The following FLT1 variants were observed in gnomAD, a reference collection of about 807,000 sequenced individuals.
FLT1 encodes fms related receptor tyrosine kinase 1, also known as vascular endothelial growth factor receptor 1.
A neutral mutation model predicts 156.3 loss-of-function variants in FLT1; 49 were observed. That is an observed-to-expected ratio of 0.31 (90% CI 0.25 to 0.40). The LOEUF is 0.40. Among genes scored for constraint, FLT1 ranks in the 10% least tolerant of loss-of-function variants. The pLI is 1.00. For missense variants in FLT1, 1,322 were observed against 1,637.2 expected (o/e 0.81, Z 3.32); for synonymous variants, 594 against 583.8 (o/e 1.02, Z -0.25).
At chr13:28,320,860 T>A (rs573365288) in intron 23 of FLT1, among the ~76,000 whole-genome samples, 2 of 152,136 alleles carry the variant, frequency 1.3e-5, no homozygotes, top group East Asian at 3.9e-4. Flanking sequence ...CCTCAGGGTA[T>A]ATAGGCTGAG....
At chr13:28,434,348 A>G (rs1318126901) in intron 4 of FLT1, 128 bp from the exon 5 acceptor site, 1 of 875,046 alleles carries the variant, frequency 1.1e-6, no homozygotes, top group Non-Finnish European at 1.8e-6. Context: ...TAGTTTGCTT[A>G]TAACAAACTA....
chr13:28,364,956 C>T (rs897005879), intron 14 of FLT1, among the ~76,000 whole-genome samples: 9 of 151,964 alleles, frequency 5.9e-5, no homozygotes, highest in Admixed American at 5.9e-4. Flanking sequence ...TCAGATTTTG[C>T]TTGTCAAATT....
chr13:28,330,047 T>G (rs1871862685), intron 18 of FLT1, among the ~76,000 whole-genome samples: 1 of 152,254 alleles, frequency 6.6e-6, no homozygotes, highest in Non-Finnish European at 1.5e-5. Context: ...AAGGCTTCCC[T>G]TCTGTCAGAA....
At chr13:28,357,930 T>C (rs1593706053) in intron 14 of FLT1, among the ~76,000 whole-genome samples, 1 of 140,742 alleles carries the variant, frequency 7.1e-6, no homozygotes, top group Non-Finnish European at 1.5e-5. Flanking sequence ...CCAGCAGAGC[T>C]GTGATCCCCA....
chr13:28,461,908 A>G (rs1879598586), intron 3 of FLT1, among the ~76,000 whole-genome samples: 1 of 152,218 alleles, frequency 6.6e-6, no homozygotes, highest in African/African-American at 2.4e-5. Context: ...AATTTCTTAT[A>G]AAAATGCTCC....
intron 14 of FLT1, among the ~76,000 whole-genome samples, chr13:28,363,481 C>T (rs1013093187): frequency 5.9e-5 from 9 of 152,014 alleles, no homozygotes; most frequent in Non-Finnish European, 1.3e-4. Context: ...TGTTTTTGTA[C>T]TTTTTCTACA....
intron 15 of FLT1, among the ~76,000 whole-genome samples, chr13:28,350,685 A>T (rs1158484157): frequency 6.6e-6 from 1 of 151,982 alleles, no homozygotes. Flanking sequence ...CAAGCAAAAG[A>T]CCAGAGCACC....
chr13:28,317,476 G>A (rs755763767), intron 25 of FLT1, 22 bp downstream of exon 25: 13 of 1,480,428 alleles, frequency 8.8e-6, no homozygotes, highest in South Asian at 2.3e-5. Context: ...CAGATGGGGA[G>A]CAGAGGGCAC....
intron 20 of FLT1, among the ~76,000 whole-genome samples, chr13:28,324,699 G>A (rs1373449874): frequency 6.6e-6 from 1 of 152,206 alleles, no homozygotes; most frequent in Non-Finnish European, 1.5e-5. Context: ...ATCAGAGAAA[G>A]CGCTGGCAAT....
intron 14 of FLT1, among the ~76,000 whole-genome samples, chr13:28,377,091 C>T (rs950544403): frequency 6.6e-5 from 10 of 152,186 alleles, no homozygotes; most frequent in African/African-American, 2.4e-4. Flanking sequence ...GCATTTTCCT[C>T]TCTTATCTCT....
intron 15 of FLT1, among the ~76,000 whole-genome samples, chr13:28,352,975 C>T (rs1264261730): frequency 1.3e-5 from 2 of 152,124 alleles, no homozygotes; most frequent in East Asian, 3.8e-4. Context: ...ATATTGTTTT[C>T]AGTTTTTTCT....
chr13:28,377,670 T>G (rs61763193), intron 14 of FLT1, among the ~76,000 whole-genome samples: 11,282 of 152,300 alleles, frequency 0.074, 454 homozygotes, highest in South Asian at 0.13. Context: ...TATAAATATT[T>G]GTTAAATAAG....
chr13:28,461,588 T>C (rs1198303540), intron 3 of FLT1, among the ~76,000 whole-genome samples: 1 of 152,160 alleles, frequency 6.6e-6, no homozygotes, highest in African/African-American at 2.4e-5. Context: ...CACTCCAGCC[T>C]GGGCGACAAA....
At position 28,321,302 on chromosome 13, in the gene FLT1, C is replaced by T. The variant is rs376029893; in HGVS notation, c.3174+161G>A. Among the ~76,000 whole-genome samples the T allele has an allele frequency of 2.0e-4, 30 of 152,304 alleles. No individual in the cohort carries two copies. The East Asian group carries it at 2.7e-3, about 14-fold the overall frequency. On this transcript the variant is annotated intron_variant, in intron 23 of 29. Transcript: ENST00000282397. ...GACAGTGGCCTTTCTGAGCCTTACA[C>T]AAGGGCTCTCTGGGATGCCGCTCAT...
At position 28,322,080 on chromosome 13, in the gene FLT1, C is replaced by T. The variant is rs1166075680; in HGVS notation, c.3051+182G>A. Among the ~76,000 whole-genome samples the T allele has an allele frequency of 2.0e-5, 3 of 152,204 alleles. No homozygotes were observed. The highest frequency in any genetic ancestry group is 4.4e-5 in the Non-Finnish European group (3 of 68,038). The stretch of plus-strand genomic sequence containing the variant: ...TTTCCCCAGAATTAAGTTCTATCCA[C>T]TGGTATCCATGACTCCTCATTCTCA... On this transcript the variant is annotated intron_variant, in intron 22 of 29. Coordinates refer to ENST00000282397, the MANE Select transcript of FLT1 (RefSeq NM_002019.4). The surrounding 1 kb of genome is among the most constrained non-coding windows in gnomAD (Gnocchi z 4.3).
chr13:28,413,152 C>A (rs973434319), intron 10 of FLT1, among the ~76,000 whole-genome samples: 1 of 152,088 alleles, frequency 6.6e-6, no homozygotes, highest in African/African-American at 2.4e-5. Flanking sequence ...TTTGGGTCGG[C>A]TCCCTGGACA....
At chr13:28,491,897 T>C (rs1307124613) in intron 1 of FLT1, among the ~76,000 whole-genome samples, 1 of 152,206 alleles carries the variant, frequency 6.6e-6, no homozygotes, top group Non-Finnish European at 1.5e-5. Flanking sequence ...TAGCCTATTA[T>C]AGAATGTCCA....
intron 23 of FLT1, among the ~76,000 whole-genome samples, chr13:28,319,887 A>G (rs1427012390): frequency 6.6e-6 from 1 of 152,236 alleles, no homozygotes; most frequent in East Asian, 1.9e-4. Context: ...CTGAATTTGA[A>G]GATATCCTGA....
At chr13:28,454,302 A>C (rs1879141346) in intron 3 of FLT1, among the ~76,000 whole-genome samples, 1 of 152,196 alleles carries the variant, frequency 6.6e-6, no homozygotes, top group African/African-American at 2.4e-5. Context: ...ATAGCCCCTG[A>C]AGTAATACTC....
Sources: allele counts gnomAD v4.1 joint callset (sites outside exome capture counted in the v4.1 genomes callset), GRCh38; gene constraint gnomAD v4.1.1; non-coding constraint Gnocchi (gnomAD v3.1); transcripts MANE v1.5; gene names NCBI Gene and HGNC (gene_info 2026-07-23, HGNC 2026-07-21).